Variants in HTRA3 observed in about 807,000 individuals in gnomAD.
The protein encoded by HTRA3 is HtrA serine peptidase 3.
In HTRA3, 41 loss-of-function variants were observed where a neutral mutation model predicts 43.2. The observed-to-expected ratio is 0.95, with a 90% CI of 0.74 to 1.23. HTRA3 has a LOEUF of 1.23. HTRA3 is among the 50% of genes most tolerant of loss of function. The pLI, the probability that HTRA3 is intolerant of heterozygous loss-of-function variation, is 0.00. For synonymous variants in HTRA3, 295 were observed against 287.9 expected (o/e 1.02, Z -0.25); for missense variants, 628 against 647.1 (o/e 0.97, Z 0.32).
In HTRA3 at chr4:8,295,585, T is replaced by A. The variant is rs746826158; in HGVS notation, c.1051+1384T>A. 13 of 727,794 alleles carry A rather than the reference T, an allele frequency of 1.8e-5. No homozygotes were observed. The highest frequency in any genetic ancestry group is 2.4e-5 in the Non-Finnish European group (12 of 507,030). The allele number at this position is 727,794 out of a possible 1,614,324, so 45.1% of individuals were successfully genotyped here. On this transcript the variant is annotated intron_variant, in intron 6 of 8. Transcript: ENST00000307358. This position sits in a 1 kb window ranked among gnomAD's most constrained non-coding sequence, Gnocchi z 6.9. Reference sequence around the variant, plus strand: ...TCCCTCCCCACCTTCTCTTCAGCCCTAGTGAGCTTCTCCCTCCTGCCATTG... The same window carrying A: ...TCCCTCCCCACCTTCTCTTCAGCCCAAGTGAGCTTCTCCCTCCTGCCATTG...
At chr4:8,274,681 G>C (rs1438714078) in intron 1 of HTRA3, among the ~76,000 whole-genome samples, 1 of 152,226 alleles carries the variant, frequency 6.6e-6, no homozygotes, top group African/African-American at 2.4e-5. Flanking sequence ...CCACGGGATG[G>C]TAAAAGCAGG....
At chr4:8,271,776 C>T (rs1712287523) in intron 1 of HTRA3, among the ~76,000 whole-genome samples, 1 of 152,190 alleles carries the variant, frequency 6.6e-6, no homozygotes, top group Admixed American at 6.5e-5. Context: ...AGCTTCTGCC[C>T]ACGCTCGAAA....
rs759709096 is a variant in HTRA3 at position 8,282,433 on chromosome 4, G to T, written c.386-4G>T. 44 of 1,611,236 alleles carry T rather than the reference G, an allele frequency of 2.7e-5. No individual in the cohort carries two copies. Among genetic ancestry groups the T allele is most frequent in the Non-Finnish European group, 3.6e-5 (43 of 1,178,642 alleles). ...GATGCACCTGGCCCTTCCCGCCAGC[G>T]CAGGTCTCCACCAGCTGAGCAGCCC... On this transcript the variant is annotated splice_region_variant and splice_polypyrimidine_tract_variant and intron_variant, in intron 1 of 8. Transcript: ENST00000307358.
At chr4:8,305,820 A>G (rs571618818) in intron 8 of HTRA3, 151 bp from the exon 9 acceptor site, 22 of 769,962 alleles carry the variant, frequency 2.9e-5, no homozygotes, top group Non-Finnish European at 8.6e-6. Flanking sequence ...CTGGTGTGAG[A>G]GCTTTGGGGC....
intron 1 of HTRA3, among the ~76,000 whole-genome samples, chr4:8,277,856 G>T (rs1193681563): frequency 1.3e-5 from 2 of 152,210 alleles, no homozygotes; most frequent in Non-Finnish European, 2.9e-5. Context: ...GCTCACAGCT[G>T]ACCACTGGGT....
In HTRA3 at chr4:8,305,961, C is replaced by A. The variant is rs750109851; in HGVS notation, c.1197-10C>A. 1.8e-5 allele frequency: 29 copies of A among 1,609,870 alleles called. No homozygotes were observed. The highest frequency in any genetic ancestry group is 2.4e-5 in the Non-Finnish European group (28 of 1,178,858). ...GCGGTGGGTGGTGACCCCGTCTCTC[C>A]TGTTGGCAGAGGCGGCATCCAAGAT... On this transcript the variant is annotated splice_polypyrimidine_tract_variant and intron_variant, in intron 8 of 8. Coordinates refer to ENST00000307358, the MANE Select transcript of HTRA3 (RefSeq NM_053044.5).
At chr4:8,290,092 C>T (rs796559504) in intron 3 of HTRA3, among the ~76,000 whole-genome samples, 6 of 152,212 alleles carry the variant, frequency 3.9e-5, no homozygotes, top group African/African-American at 1.4e-4. Context: ...TCTCTCCGGG[C>T]CCTCACCTTC....
rs142964430 is a variant in HTRA3 at position 8,303,512 on chromosome 4, C to T, written c.1101-672C>T. ...TTGAAGAAGGGAGAGGTCACTGCAT[C>T]GGGAGCCTAGGAAGAACTCGAGAAT... On this transcript the variant is annotated intron_variant, in intron 7 of 8. Coordinates refer to ENST00000307358, the MANE Select transcript of HTRA3 (RefSeq NM_053044.5). Among the ~76,000 whole-genome samples, 111 of 152,298 alleles carry T rather than the reference C, an allele frequency of 7.3e-4. 1 individual carries two copies. The highest frequency in any genetic ancestry group is 5.4e-3 in the East Asian group (28 of 5,184).
rs1220786933 is a variant in HTRA3 at position 8,306,199 on chromosome 4, G to A, written c.*63G>A. 1.9e-5 allele frequency: 28 copies of A among 1,489,312 alleles called. No homozygotes were observed. The highest frequency in any genetic ancestry group is 6.6e-5 in the South Asian group (5 of 75,766). The allele number at this position is 1,489,312 out of a possible 1,614,324, so 92.3% of individuals were successfully genotyped here. On this transcript the variant is annotated 3_prime_UTR_variant, in exon 9 of 9. Transcript: ENST00000307358. The surrounding 1 kb of genome is among the most constrained non-coding windows in gnomAD (Gnocchi z 8.9). ...AGACAACGGAGGGCAGCGCCCCCCCGAGATCAGGACGAAGGACCACCGTCG... is the reference window on the plus strand; with the variant it reads ...AGACAACGGAGGGCAGCGCCCCCCCAAGATCAGGACGAAGGACCACCGTCG...
intron 1 of HTRA3, among the ~76,000 whole-genome samples, chr4:8,281,691 CTG>C (rs1357873778): frequency 3.9e-5 from 6 of 152,228 alleles, no homozygotes; most frequent in African/African-American, 1.4e-4. Context: ...ACCCCGAGGG[CTG>C]TGGGCCCCGT....
Position 8,291,565 on chromosome 4 carries a change from G to A in HTRA3, c.903+1G>A, listed in dbSNP as rs1459201638. ...CATCCAGACGGATGCCATCATCAAC[G>A]TGAGTCCCAGGGACAGGAGGCCGGG... On this transcript the variant is annotated splice_donor_variant, in intron 4 of 8. Transcript: ENST00000307358. LOFTEE classifies it high-confidence loss of function. 6 of 1,575,942 alleles carry A rather than the reference G, an allele frequency of 3.8e-6. No individual in the cohort carries two copies. Among genetic ancestry groups the A allele is most frequent in the South Asian group, 1.2e-5 (1 of 86,778 alleles).
rs751445664 is a variant in HTRA3, at chr4:8,306,116, G to A, written c.1342G>A (p.Ala448Thr). The A allele has an allele frequency of 1.8e-5, 29 of 1,590,350 alleles. No homozygotes were observed. Among genetic ancestry groups the A allele is most frequent in the South Asian group, 6.8e-5 (6 of 88,716 alleles). ...RGNDDLLFSI[A>T]PEVVM ...GAACGACGACCTCCTCTTCAGCATCGCACCTGAGGTGGTCATGTGAGGGGC... is the reference window on the plus strand; with the variant it reads ...GAACGACGACCTCCTCTTCAGCATCACACCTGAGGTGGTCATGTGAGGGGC... The change falls in exon 9 of 9, where the codon GCA becomes ACA. Residue 448 changes from alanine (A) to threonine (T), a missense_variant. Ala to Thr is a moderately conservative substitution (Grantham distance 58). Coordinates refer to ENST00000307358, the MANE Select transcript of HTRA3 (RefSeq NM_053044.5). This position sits in a 1 kb window ranked among gnomAD's most constrained non-coding sequence, Gnocchi z 8.9.
intron 3 of HTRA3, among the ~76,000 whole-genome samples, chr4:8,290,403 G>A (rs1713186912): frequency 6.6e-6 from 1 of 152,268 alleles, no homozygotes; most frequent in African/African-American, 2.4e-5. Flanking sequence ...GAGGGTCAGA[G>A]GCATGGGGTC....
chr4:8,282,334 G>C (rs1712781001), intron 1 of HTRA3, 103 bp from the exon 2 acceptor site: 6 of 875,064 alleles, frequency 6.9e-6, no homozygotes, highest in African/African-American at 1.7e-5. Flanking sequence ...CTGGGACAGG[G>C]GTCTCAGGAA....
chr4:8,279,737 G>A lies in HTRA3; in HGVS notation c.386-2700G>A, dbSNP rs575569444. ...CCGTGGCTGCCTGCACAGGCAATGCGGGCTCAGCCTGTGGCTTTCCATGTG... is the reference window on the plus strand; with the variant it reads ...CCGTGGCTGCCTGCACAGGCAATGCAGGCTCAGCCTGTGGCTTTCCATGTG... On this transcript the variant is annotated intron_variant, in intron 1 of 8. Transcript: ENST00000307358. The surrounding 1 kb of genome is among the most constrained non-coding windows in gnomAD (Gnocchi z 7.4). Among the ~76,000 whole-genome samples, 3 of 152,302 alleles carry A rather than the reference G, an allele frequency of 2.0e-5. No individual in the cohort carries two copies. Among genetic ancestry groups the A allele is most frequent in the Non-Finnish European group, 2.9e-5 (2 of 68,024 alleles).
rs983522115 is a variant in HTRA3 at position 8,279,825 on chromosome 4, C to G, written c.386-2612C>G. On this transcript the variant is annotated intron_variant, in intron 1 of 8. Transcript: ENST00000307358. The surrounding 1 kb of genome is among the most constrained non-coding windows in gnomAD (Gnocchi z 7.4). ...AGGGCACCTCTGCACTCACCCACCC[C>G]ACGCCGGGCTCCTCTCTGCCTCATC... is the stretch of plus-strand genomic sequence containing the variant. Among the ~76,000 whole-genome samples, 5 of 152,160 alleles carry G rather than the reference C, an allele frequency of 3.3e-5. No individual in the cohort carries two copies. Among genetic ancestry groups the G allele is most frequent in the African/African-American group, 4.8e-5 (2 of 41,424 alleles).
At chr4:8,287,833 G>A (rs921338803) in intron 3 of HTRA3, among the ~76,000 whole-genome samples, 1 of 152,198 alleles carries the variant, frequency 6.6e-6, no homozygotes, top group East Asian at 1.9e-4. Flanking sequence ...CTGGAGCAGG[G>A]CTGGCCCGCT....
At position 8,295,618 on chromosome 4, in the gene HTRA3, T is replaced by G. The variant is rs1188739065; in HGVS notation, c.1051+1417T>G. ...TTCTCCCTCCTGCCATTGTGTCTCC[T>G]GTGCCCACCTCCTGGCCAACGCCCA... On this transcript the variant is annotated intron_variant, in intron 6 of 8. Transcript: ENST00000307358. The surrounding 1 kb of genome is among the most constrained non-coding windows in gnomAD (Gnocchi z 6.9). The G allele has an allele frequency of 8.8e-7, 1 of 1,134,506 alleles. No individual in the cohort carries two copies. Among genetic ancestry groups the G allele is most frequent in the African/African-American group, 1.6e-5 (1 of 62,390 alleles). 70.3% of individuals were successfully genotyped at this position (1,134,506 alleles called of 1,614,324 possible).
chr4:8,282,632 G>T, intron 2 of HTRA3, 96 bp downstream of exon 2: 1 of 960,892 alleles, frequency 1.0e-6, no homozygotes, highest in Non-Finnish European at 1.6e-6. Context: ...CTGCAGCCTG[G>T]GCCACAGAAA....
Sources: gnomAD v4.1 joint callset for allele counts (sites outside exome capture counted in the v4.1 genomes callset) on GRCh38, gnomAD v4.1.1 for gene constraint, Gnocchi (gnomAD v3.1) non-coding constraint, MANE v1.5 for transcripts, NCBI Gene and HGNC (gene_info 2026-07-23, HGNC 2026-07-21) for gene names.